The following CNBD1 variants were observed in gnomAD, a reference collection of about 807,000 sequenced individuals.
The protein encoded by CNBD1 is cyclic nucleotide binding domain containing 1.
Under a neutral mutation model 54.4 loss-of-function variants are expected in CNBD1, and 71 were observed. The ratio of observed to expected loss-of-function variants is 1.30; its 90% CI spans 1.08 to 1.59. The LOEUF is 1.59. Ranked by LOEUF, CNBD1 falls within the 40% of genes most tolerant of loss-of-function variation. The probability of loss-of-function intolerance (pLI) is 0.00; values close to 1 mark genes in which losing one functional copy is unlikely to be tolerated. For missense variants in CNBD1, 659 were observed against 518.0 expected (o/e 1.27, Z -2.64); for synonymous variants, 182 against 170.7 (o/e 1.07, Z -0.51).
chr8:87,324,863 C>G (rs1586014093), intron 8 of CNBD1, among the ~76,000 whole-genome samples: 1 of 110,952 alleles, frequency 9.0e-6, no homozygotes, highest in Admixed American at 8.3e-5. Flanking sequence ...TGTGTTTGCT[C>G]TTGCTTTTCT....
rs564477308 is a variant in CNBD1, at chr8:87,078,848, G to C, written c.432-127145G>C. 6.6e-5 allele frequency among the ~76,000 whole-genome samples: 10 copies of C among 152,278 alleles called. No individual in the cohort carries two copies. The East Asian group carries it at 1.3e-3, about 21-fold the overall frequency. ...ATAATATGGTCTATAGGTATATATAGTGTTTGCTCTCAGTAGTTTATTAAG... is the reference window on the plus strand; with the variant it reads ...ATAATATGGTCTATAGGTATATATACTGTTTGCTCTCAGTAGTTTATTAAG... On this transcript the variant is annotated intron_variant, in intron 4 of 10. Coordinates refer to ENST00000518476, the MANE Select transcript of CNBD1 (RefSeq NM_173538.3).
intron 8 of CNBD1, among the ~76,000 whole-genome samples, chr8:87,344,158 A>G (rs1055638514): frequency 6.6e-6 from 1 of 152,098 alleles, no homozygotes; most frequent in African/African-American, 2.4e-5. Context: ...TAATCAAGTT[A>G]TTTAACCCAA....
chr8:86,918,869 A>T (rs951642695), intron 3 of CNBD1, among the ~76,000 whole-genome samples: 5 of 151,360 alleles, frequency 3.3e-5, no homozygotes, highest in Non-Finnish European at 7.4e-5. Context: ...CATAGTGTAC[A>T]CTGTACCCAT....
At chr8:87,258,304 A>T (rs567035883) in intron 6 of CNBD1, among the ~76,000 whole-genome samples, 6,840 of 152,098 alleles carry the variant, frequency 0.045, 202 homozygotes, top group Non-Finnish European at 0.063. Flanking sequence ...AAAGGCAAAA[A>T]CCTTTACTCA....
At chr8:87,421,989 T>A (rs1454236074) in intron 2 of CNBD1, among the ~76,000 whole-genome samples, 2 of 150,044 alleles carry the variant, frequency 1.3e-5, no homozygotes, top group African/African-American at 2.5e-5. Flanking sequence ...AGATGGTATC[T>A]CATTGTGGTT....
intron 8 of CNBD1, among the ~76,000 whole-genome samples, chr8:87,339,335 C>T (rs1810016332): frequency 7.3e-6 from 1 of 136,814 alleles, no homozygotes; most frequent in Non-Finnish European, 1.7e-5. Flanking sequence ...CCACACCAAG[C>T]TCCAACAATT....
At chr8:86,888,315 A>G (rs1488857214) in intron 2 of CNBD1, among the ~76,000 whole-genome samples, 1 of 152,000 alleles carries the variant, frequency 6.6e-6, no homozygotes, top group African/African-American at 2.4e-5. Context: ...TCAGAGAGAG[A>G]GAAGAAGGCA....
intron 10 of CNBD1, among the ~76,000 whole-genome samples, chr8:87,359,583 A>G (rs528014555): frequency 8.4e-4 from 128 of 152,146 alleles, no homozygotes; most frequent in Non-Finnish European, 1.5e-3. Flanking sequence ...TAATTTTCAC[A>G]TATGAAGAAC....
intron 4 of CNBD1, among the ~76,000 whole-genome samples, chr8:87,081,952 T>A (rs1811003343): frequency 6.6e-6 from 1 of 152,226 alleles, no homozygotes; most frequent in Non-Finnish European, 1.5e-5. Flanking sequence ...CTCCTTGCAG[T>A]TCTATCAGTT....
intron 4 of CNBD1, among the ~76,000 whole-genome samples, chr8:87,073,028 T>C (rs986967259): frequency 3.3e-5 from 5 of 151,974 alleles, no homozygotes; most frequent in African/African-American, 4.8e-5. Flanking sequence ...TATTTTTTTT[T>C]CTATTCTTGT....
intron 10 of CNBD1, among the ~76,000 whole-genome samples, chr8:87,354,569 A>T (rs1222311068): frequency 7.6e-6 from 1 of 131,732 alleles, no homozygotes; most frequent in Non-Finnish European, 1.6e-5. Flanking sequence ...CCCCCACCCC[A>T]CAACTGTCCC....
At chr8:86,873,763 A>G (rs1429595262) in intron 1 of CNBD1, among the ~76,000 whole-genome samples, 1 of 152,156 alleles carries the variant, frequency 6.6e-6, no homozygotes, top group Admixed American at 6.5e-5. Flanking sequence ...TTCTAACTGT[A>G]AAGTCAGTAT....
chr8:87,069,688 T>A (rs1810722290), intron 4 of CNBD1, among the ~76,000 whole-genome samples: 1 of 152,126 alleles, frequency 6.6e-6, no homozygotes, highest in Non-Finnish European at 1.5e-5. Context: ...AATATAAAAA[T>A]GTTAGGAATC....
At chr8:87,281,570 AT>A (rs1808601371) in intron 6 of CNBD1, among the ~76,000 whole-genome samples, 2 of 24,720 alleles carry the variant, frequency 8.1e-5, no homozygotes, top group East Asian at 6.8e-4. Context: ...ATATATATAT[AT>A]ATATATATAT....
chr8:86,968,491 G>A (rs1586170061), intron 4 of CNBD1, among the ~76,000 whole-genome samples: 1 of 152,158 alleles, frequency 6.6e-6, no homozygotes, highest in African/African-American at 2.4e-5. Context: ...CAAAGAGAAC[G>A]ACTAAGGCAA....
intron 3 of CNBD1, among the ~76,000 whole-genome samples, chr8:86,931,590 A>G (rs1161162102): frequency 1.3e-5 from 2 of 152,150 alleles, no homozygotes; most frequent in African/African-American, 4.8e-5. Flanking sequence ...TCTGAGGGCC[A>G]TGACTAAGGC....
chr8:86,895,077 A>T (rs951166220), intron 2 of CNBD1, among the ~76,000 whole-genome samples: 1 of 152,168 alleles, frequency 6.6e-6, no homozygotes, highest in African/African-American at 2.4e-5. Flanking sequence ...TAATGGCATT[A>T]ATTCATAAGT....
rs537108750 is a variant in CNBD1, at chr8:87,238,737, A to G, written c.771+1625A>G. 1.5e-3 allele frequency among the ~76,000 whole-genome samples: 223 copies of G among 152,192 alleles called. 3 individuals carry two copies. The highest frequency in any genetic ancestry group is 4.9e-3 in the African/African-American group (205 of 41,524). Reference sequence around the variant, plus strand: ...TACCTACCGGCCTATTTATATACCAAGTCAGATTCTCAGATTTTTCTGCCC... The same window carrying G: ...TACCTACCGGCCTATTTATATACCAGGTCAGATTCTCAGATTTTTCTGCCC... On this transcript the variant is annotated intron_variant, in intron 6 of 10. Transcript: ENST00000518476.
chr8:87,210,712 C>T (rs757940781), intron 5 of CNBD1, among the ~76,000 whole-genome samples: 4 of 152,142 alleles, frequency 2.6e-5, no homozygotes, highest in Non-Finnish European at 5.9e-5. Flanking sequence ...GTGAAGAAGG[C>T]TTGGCAGCCT....
Sources: allele counts gnomAD v4.1 joint callset (sites outside exome capture counted in the v4.1 genomes callset), GRCh38; gene constraint gnomAD v4.1.1; transcripts MANE v1.5; gene names NCBI Gene and HGNC (gene_info 2026-07-23, HGNC 2026-07-21).